The following GLIS3 variants were observed in gnomAD, a reference collection of about 807,000 sequenced individuals.
The protein encoded by GLIS3 is zinc finger protein GLIS3.
A neutral mutation model predicts 78.6 loss-of-function variants in GLIS3; 53 were observed. The ratio of observed to expected loss-of-function variants is 0.67; its 90% CI spans 0.54 to 0.85. The LOEUF is 0.85. Among genes scored for constraint, GLIS3 ranks in the 40% least tolerant of loss-of-function variants. GLIS3 has a pLI of 0.00. For synonymous variants in GLIS3, 684 were observed against 509.9 expected (o/e 1.34, Z -4.60); for missense variants, 1,703 against 1,231.1 (o/e 1.38, Z -5.74).
At chr9:4,384,454 G>T in the GLIS3 span, among the ~76,000 whole-genome samples, 1 of 151,778 alleles carries the variant, frequency 6.6e-6, no homozygotes, top group East Asian at 1.9e-4. Context: ...TTGATTGTTT[G>T]CCAATGGCAT....
intron 6 of GLIS3, among the ~76,000 whole-genome samples, chr9:3,916,700 C>A (rs1047365760): frequency 6.6e-6 from 1 of 151,454 alleles, no homozygotes; most frequent in Non-Finnish European, 1.5e-5. Flanking sequence ...TTTTTTTTCT[C>A]CTCCTGAATG....
At chr9:4,343,050 C>G (rs1027706535) in intron 2 of GLIS3, among the ~76,000 whole-genome samples, 1 of 152,160 alleles carries the variant, frequency 6.6e-6, no homozygotes, top group Non-Finnish European at 1.5e-5. Context: ...ATCAAAACCA[C>G]AGTGAGGCCC....
intron 2 of GLIS3, among the ~76,000 whole-genome samples, chr9:4,253,410 G>C (rs1379783983): frequency 6.6e-6 from 1 of 152,196 alleles, no homozygotes; most frequent in Non-Finnish European, 1.5e-5. Flanking sequence ...TACACTATGA[G>C]GGGAAAACCA....
chr9:4,482,669 GC>G, the GLIS3 span, among the ~76,000 whole-genome samples: 6 of 152,160 alleles, frequency 3.9e-5, no homozygotes, highest in African/African-American at 1.4e-4. Context: ...GTTTCTGAAT[GC>G]CCTTTTCATT....
intron 8 of GLIS3, among the ~76,000 whole-genome samples, chr9:3,876,107 G>C (rs1039385437): frequency 6.6e-6 from 1 of 152,020 alleles, no homozygotes; most frequent in Non-Finnish European, 1.5e-5. Context: ...AAAAAGCTAA[G>C]AAACACCACA....
chr9:4,247,140 G>A (rs1225457673), intron 2 of GLIS3, among the ~76,000 whole-genome samples: 2 of 152,168 alleles, frequency 1.3e-5, no homozygotes, highest in African/African-American at 4.8e-5. Context: ...GATAAAAGCA[G>A]ACTCCCTCTG....
At chr9:3,835,403 T>C (rs1818288329) in intron 9 of GLIS3, among the ~76,000 whole-genome samples, 1 of 152,212 alleles carries the variant, frequency 6.6e-6, no homozygotes. Context: ...GGCAGGATCC[T>C]CTAGGAGACT....
intron 2 of GLIS3, among the ~76,000 whole-genome samples, chr9:4,282,280 G>C (rs867828154): frequency 6.6e-6 from 1 of 152,074 alleles, no homozygotes; most frequent in Non-Finnish European, 1.5e-5. Flanking sequence ...AACTTGACTG[G>C]GCCACTTGGT....
intron 2 of GLIS3, among the ~76,000 whole-genome samples, chr9:4,277,885 T>C (rs899068570): frequency 2.0e-5 from 3 of 152,018 alleles, no homozygotes; most frequent in Admixed American, 2.0e-4. Flanking sequence ...GTAGGGGAAA[T>C]ACAATATAAC....
chr9:4,159,482 C>T (rs1017881398), intron 2 of GLIS3, among the ~76,000 whole-genome samples: 1 of 152,042 alleles, frequency 6.6e-6, no homozygotes, highest in East Asian at 1.9e-4. Flanking sequence ...ACTTTAGGAG[C>T]CCGAGGCAGG....
chr9:4,399,677 C>A, the GLIS3 span, among the ~76,000 whole-genome samples: 3 of 152,248 alleles, frequency 2.0e-5, no homozygotes, highest in African/African-American at 4.8e-5. Flanking sequence ...AAGACTTTGT[C>A]CCTTTCCTCA....
chr9:4,120,906 T>C (rs1832125645), intron 3 of GLIS3, among the ~76,000 whole-genome samples: 1 of 152,234 alleles, frequency 6.6e-6, no homozygotes, highest in South Asian at 2.1e-4. Flanking sequence ...TAGTGAAACG[T>C]TCATTTGCTC....
At chr9:3,891,741 G>C (rs1049575210) in intron 7 of GLIS3, among the ~76,000 whole-genome samples, 4 of 151,858 alleles carry the variant, frequency 2.6e-5, no homozygotes, top group Admixed American at 1.3e-4. Flanking sequence ...CTTGCTTTTT[G>C]TATAGCTATG....
chr9:4,354,901 G>C, the GLIS3 span, among the ~76,000 whole-genome samples: 1 of 152,124 alleles, frequency 6.6e-6, no homozygotes, highest in African/African-American at 2.4e-5. Flanking sequence ...CGGATCACTA[G>C]GTCAGGAGAT....
At chr9:3,974,985 A>T (rs926033550) in intron 4 of GLIS3, 1 of 152,142 alleles carries the variant, frequency 6.6e-6, no homozygotes, top group Non-Finnish European at 1.5e-5. Context: ...TGGGATTTGG[A>T]GGAAGAGGCA....
chr9:4,268,048 C>T (rs996439694), intron 2 of GLIS3, among the ~76,000 whole-genome samples: 11 of 151,748 alleles, frequency 7.2e-5, no homozygotes, highest in South Asian at 2.1e-4. Context: ...CACGTGCGTG[C>T]GTGCGCACAC....
chr9:4,371,159 C>A, the GLIS3 span, among the ~76,000 whole-genome samples: 2 of 152,186 alleles, frequency 1.3e-5, no homozygotes, highest in Admixed American at 6.5e-5. Flanking sequence ...TTTGGTCAGG[C>A]CTGGTTACTA....
intron 3 of GLIS3, among the ~76,000 whole-genome samples, chr9:4,120,218 G>T (rs987313782): frequency 3.3e-5 from 5 of 152,156 alleles, no homozygotes; most frequent in Non-Finnish European, 7.3e-5. Flanking sequence ...ACAAAATGGA[G>T]GCCACAAACA....
intron 8 of GLIS3, among the ~76,000 whole-genome samples, chr9:3,877,774 A>G (rs1398773463): frequency 1.3e-5 from 2 of 152,086 alleles, no homozygotes; most frequent in African/African-American, 4.8e-5. Context: ...TCAAGTAACC[A>G]TATTGCTCAC....
Sources: allele counts gnomAD v4.1 joint callset (sites outside exome capture counted in the v4.1 genomes callset), GRCh38; gene constraint gnomAD v4.1.1; transcripts MANE v1.5; gene names NCBI Gene and HGNC (gene_info 2026-07-23, HGNC 2026-07-21).